Variants in CCDC158 observed in about 807,000 individuals in gnomAD.
CCDC158 encodes coiled-coil domain-containing protein 158.
A neutral mutation model predicts 138.6 loss-of-function variants in CCDC158; 116 were observed. The ratio of observed to expected loss-of-function variants is 0.84; its 90% CI spans 0.72 to 0.98. The LOEUF (loss-of-function observed/expected upper bound fraction) is 0.98. CCDC158 is among the 50% of genes least tolerant of loss of function. The pLI is 0.00. For synonymous variants in CCDC158, 436 were observed against 442.4 expected, an observed-to-expected ratio of 0.99 and a Z score of 0.18; for missense variants, 1,265 against 1,306.1, an observed-to-expected ratio of 0.97 and a Z score of 0.48.
intron 2 of CCDC158, among the ~76,000 whole-genome samples, chr4:76,409,112 T>C (rs1360475777): frequency 6.6e-6 from 1 of 152,224 alleles, no homozygotes; most frequent in African/African-American, 2.4e-5. Flanking sequence ...AGTTATTTTG[T>C]GTGTGTATTT....
intron 8 of CCDC158, among the ~76,000 whole-genome samples, chr4:76,381,490 T>G (rs1726239813): frequency 6.6e-6 from 1 of 152,262 alleles, no homozygotes; most frequent in Admixed American, 6.5e-5. Context: ...TTGGCCTATT[T>G]TTCCCATTTG....
chr4:76,351,211 G>T, intron 17 of CCDC158, 90 bp from the exon 18 acceptor site: 1 of 1,240,924 alleles, frequency 8.1e-7, no homozygotes, highest in Non-Finnish European at 1.1e-6. Flanking sequence ...GATTTCACAG[G>T]CAAAATCCAT....
chr4:76,333,181 ACTC>A (rs987402681), intron 19 of CCDC158, among the ~76,000 whole-genome samples: 40 of 152,146 alleles, frequency 2.6e-4, no homozygotes, highest in African/African-American at 9.2e-4. Context: ...AATTAGATAA[ACTC>A]AGCTAATATT....
chr4:76,396,854 A>T (rs1727867611), intron 3 of CCDC158, among the ~76,000 whole-genome samples: 1 of 152,068 alleles, frequency 6.6e-6, no homozygotes, highest in Non-Finnish European at 1.5e-5. Flanking sequence ...TTTTTCATAA[A>T]ATAATTTTGT....
intron 2 of CCDC158, among the ~76,000 whole-genome samples, chr4:76,407,906 C>A (rs985494162): frequency 1.3e-5 from 2 of 152,062 alleles, no homozygotes; most frequent in Admixed American, 6.5e-5. Context: ...TGAATGCTTG[C>A]GTTATTCATC....
At chr4:76,417,884 G>A (rs116031564) in intron 1 of CCDC158, among the ~76,000 whole-genome samples, 198 of 152,292 alleles carry the variant, frequency 1.3e-3, no homozygotes, top group Non-Finnish European at 2.1e-3. Context: ...CTGACTCCCA[G>A]TGAAGAAGGC....
intron 1 of CCDC158, among the ~76,000 whole-genome samples, chr4:76,416,793 C>T (rs180988689): frequency 1.7e-4 from 26 of 152,314 alleles, no homozygotes; most frequent in Non-Finnish European, 2.9e-4. Flanking sequence ...TGTATGGAAA[C>T]GCCTGGATGC....
chr4:76,354,532 A>G (rs1418912288), intron 15 of CCDC158, among the ~76,000 whole-genome samples: 2 of 152,112 alleles, frequency 1.3e-5, no homozygotes, highest in African/African-American at 4.8e-5. Flanking sequence ...GCTTTTTCCA[A>G]AGTAATGGAT....
At chr4:76,415,911 T>C (rs1038947014) in intron 1 of CCDC158, among the ~76,000 whole-genome samples, 2 of 152,132 alleles carry the variant, frequency 1.3e-5, no homozygotes, top group African/African-American at 4.8e-5. Flanking sequence ...CGGGGGAGTT[T>C]AGAGAAGACT....
At chr4:76,371,345 G>A (rs1385922718) in intron 10 of CCDC158, 72 bp downstream of exon 10, 22 of 1,436,680 alleles carry the variant, frequency 1.5e-5, no homozygotes, top group South Asian at 2.5e-5. Context: ...TAAAGGAAAC[G>A]AGTTTTGTGA....
intron 10 of CCDC158, among the ~76,000 whole-genome samples, chr4:76,370,859 C>T (rs1327481685): frequency 6.6e-6 from 1 of 152,146 alleles, no homozygotes; most frequent in Admixed American, 6.5e-5. Flanking sequence ...GATGGCTTTA[C>T]CAGCAAAGAG....
chr4:76,331,204 G>C (rs1720973621), intron 21 of CCDC158, 140 bp downstream of exon 21: 10 of 665,838 alleles, frequency 1.5e-5, no homozygotes, highest in Non-Finnish European at 2.5e-5. Flanking sequence ...CTTGAGGACA[G>C]AGCCCATATC....
intron 15 of CCDC158, among the ~76,000 whole-genome samples, chr4:76,354,233 C>G (rs201319100): frequency 3.1e-5 from 2 of 63,924 alleles, no homozygotes; most frequent in African/African-American, 1.2e-4. Flanking sequence ...TTCCCAAAGG[C>G]AAAAAAAAAA....
rs74423492 is a variant in CCDC158 at position 76,367,721 on chromosome 4, G to T, written c.1403C>A (p.Ala468Asp). 441 of 1,613,804 alleles carry T rather than the reference G, an allele frequency of 2.7e-4. 3 individuals are homozygous for T. The African/African-American group carries it at 5.4e-3, about 20-fold the overall frequency. Residue 468 changes from alanine to aspartate, a missense_variant, in exon 12 of 25, where the codon GCT (alanine) becomes GAT (aspartate). Coordinates refer to ENST00000682701, the MANE Select transcript of CCDC158 (RefSeq NM_001394954.1). ...ESLEKVSSLT[A>D]QLESTKEMLR... Reference sequence around the variant, plus strand: ...CATCTCTTTGGTGGATTCAAGCTGAGCAGTCAAGGAGGATACTTTTTCTAG... The same window carrying T: ...CATCTCTTTGGTGGATTCAAGCTGATCAGTCAAGGAGGATACTTTTTCTAG...
In CCDC158 at chr4:76,379,336, T is replaced by C; in HGVS notation, c.983A>G (p.Gln328Arg). 1 of 1,610,538 alleles carries C rather than the reference T, an allele frequency of 6.2e-7. No individual in the cohort carries two copies. Among genetic ancestry groups the C allele is most frequent in the African/African-American group, 1.3e-5 (1 of 74,988 alleles). ...QLSDLESTVS[Q>R]LRSELREAKR... is the part of the protein sequence containing the mutation. Reference sequence around the variant, plus strand: ...GGCTTCCCTTAATTCAGAACGTAGCTGAGAAACAGTAGATTCCAGATCGCT... The same window carrying C: ...GGCTTCCCTTAATTCAGAACGTAGCCGAGAAACAGTAGATTCCAGATCGCT... Residue 328 changes from glutamine to arginine, a missense_variant, in exon 9 of 25, where the codon CAG becomes CGG. By Grantham distance (43) the Gln-to-Arg change is conservative. Transcript: ENST00000682701.
Position 76,334,134 on chromosome 4 carries a change from G to T in CCDC158, c.2698C>A (p.Pro900Thr). 3 of 1,612,930 alleles carry T rather than the reference G, an allele frequency of 1.9e-6. No individual in the cohort carries two copies. Among genetic ancestry groups the T allele is most frequent in the Non-Finnish European group, 2.5e-6 (3 of 1,179,294 alleles). The change falls in exon 19 of 25, where the codon CCA (proline) becomes ACA (threonine). Residue 900 changes from proline (P) to threonine (T), a missense_variant. Physicochemically the swap from Pro to Thr is conservative, Grantham distance 38. Transcript: ENST00000682701. ...AGAAGCTGTTTCAGGTCCCTTGTTGGATCTTCCTTCAGTGTGTTAGCTTTT... is the reference window on the plus strand; with the variant it reads ...AGAAGCTGTTTCAGGTCCCTTGTTGTATCTTCCTTCAGTGTGTTAGCTTTT... Reference protein sequence around the residue: ...STKANTLKEDPTRDLKQLLQE... With the variant: ...STKANTLKEDTTRDLKQLLQE...
chr4:76,419,823 A>C (rs1048084375), intron 1 of CCDC158, among the ~76,000 whole-genome samples: 2 of 150,964 alleles, frequency 1.3e-5, no homozygotes, highest in Admixed American at 6.6e-5. Flanking sequence ...AGGACCTGAC[A>C]TATTTGAGTG....
At chr4:76,355,101 C>G (rs569821916) in intron 15 of CCDC158, among the ~76,000 whole-genome samples, 4 of 152,260 alleles carry the variant, frequency 2.6e-5, no homozygotes, top group East Asian at 3.9e-4. Context: ...CATTCCTTGC[C>G]TCTACCAAGA....
chr4:76,366,726 CA>C (rs1216383619), intron 12 of CCDC158, among the ~76,000 whole-genome samples: 1 of 151,380 alleles, frequency 6.6e-6, no homozygotes, highest in Non-Finnish European at 1.5e-5. Flanking sequence ...AGAAGGAGAC[CA>C]AAACAGGGGA....
Sources: allele counts gnomAD v4.1 joint callset (sites outside exome capture counted in the v4.1 genomes callset), GRCh38; gene constraint gnomAD v4.1.1; transcripts MANE v1.5; gene names NCBI Gene and HGNC (gene_info 2026-07-23, HGNC 2026-07-21).